Variants in MDGA2 observed in about 807,000 individuals in gnomAD.
MDGA2 encodes MAM domain-containing glycosylphosphatidylinositol anchor protein 2.
A neutral mutation model predicts 117.8 loss-of-function variants in MDGA2; 40 were observed. The observed-to-expected ratio is 0.34, with a 90% confidence interval of 0.26 to 0.44. MDGA2 has a LOEUF of 0.44. Among genes scored for constraint, MDGA2 ranks in the 20% least tolerant of loss-of-function variants. The pLI, the probability that MDGA2 is intolerant of heterozygous loss-of-function variation, is 1.00. For synonymous variants in MDGA2, 452 were observed against 439.0 expected (o/e 1.03, Z -0.37); for missense variants, 1,123 against 1,250.6 (o/e 0.90, Z 1.54).
chr14:47,318,165 A>G (rs1220546287), intron 1 of MDGA2, among the ~76,000 whole-genome samples: 1 of 110,944 alleles, frequency 9.0e-6, no homozygotes, highest in Non-Finnish European at 2.2e-5. Flanking sequence ...AACACTAGTG[A>G]TCTTTTCAAA....
chr14:47,365,830 G>C (rs1489594240), intron 1 of MDGA2, among the ~76,000 whole-genome samples: 1 of 152,122 alleles, frequency 6.6e-6, no homozygotes, highest in African/African-American at 2.4e-5. Flanking sequence ...AATATTTATA[G>C]CTATAGTATG....
intron 1 of MDGA2, among the ~76,000 whole-genome samples, chr14:47,630,117 G>A (rs1418538521): frequency 6.6e-6 from 1 of 151,278 alleles, no homozygotes; most frequent in African/African-American, 2.4e-5. Context: ...TTTTGTGAAG[G>A]AAAAAATACA....
In MDGA2 at chr14:47,492,537, G is replaced by A. The variant is rs548303204; in HGVS notation, c.280+181980C>T. ...AATTATGATTCAGGACAGAAAATGA[G>A]AAAAATGACAAAAGAAATTCAGAGA... On this transcript the variant is annotated intron_variant, in intron 1 of 16. Coordinates refer to ENST00000399232, the MANE Select transcript of MDGA2 (RefSeq NM_001113498.3). Among the ~76,000 whole-genome samples the A allele has an allele frequency of 1.9e-3, 285 of 152,044 alleles. 3 individuals carry two copies. Among genetic ancestry groups the A allele is most frequent in the Middle Eastern group, 0.01 (3 of 294 alleles).
At chr14:47,378,186 T>A (rs1052776053) in intron 1 of MDGA2, among the ~76,000 whole-genome samples, 1 of 151,800 alleles carries the variant, frequency 6.6e-6, no homozygotes, top group Admixed American at 6.6e-5. Flanking sequence ...AGAAACAACA[T>A]CCACACCAAA....
intron 1 of MDGA2, among the ~76,000 whole-genome samples, chr14:47,379,831 A>G (rs1294477049): frequency 6.6e-6 from 1 of 152,164 alleles, no homozygotes; most frequent in African/African-American, 2.4e-5. Flanking sequence ...AAACTTCACA[A>G]GGATATCCAG....
At chr14:47,144,330 G>C (rs539989242) in intron 3 of MDGA2, 56 bp from the exon 4 acceptor site, 2 of 1,393,564 alleles carry the variant, frequency 1.4e-6, no homozygotes, top group Non-Finnish European at 2.0e-6. Flanking sequence ...GACTTTTAAA[G>C]TATTGTGCTT....
intron 6 of MDGA2, among the ~76,000 whole-genome samples, chr14:47,075,589 G>A (rs903037213): frequency 6.6e-6 from 1 of 152,054 alleles, no homozygotes; most frequent in Admixed American, 6.5e-5. Flanking sequence ...ACTATACTGT[G>A]GTTATACAGG....
intron 8 of MDGA2, among the ~76,000 whole-genome samples, chr14:46,968,357 A>C (rs1365973755): frequency 6.6e-6 from 1 of 152,110 alleles, no homozygotes; most frequent in Non-Finnish European, 1.5e-5. Flanking sequence ...CAAAAATCCC[A>C]AAAAAATATA....
chr14:47,508,295 A>G (rs1434685935), intron 1 of MDGA2, among the ~76,000 whole-genome samples: 1 of 151,484 alleles, frequency 6.6e-6, no homozygotes, highest in Non-Finnish European at 1.5e-5. Context: ...CTGTAAAAAT[A>G]TCTGAGTAAT....
chr14:46,980,775 AT>A (rs917681805), intron 8 of MDGA2, among the ~76,000 whole-genome samples: 3 of 152,178 alleles, frequency 2.0e-5, no homozygotes, highest in Non-Finnish European at 4.4e-5. Context: ...GATTGCAAAC[AT>A]TTTTTAACAA....
chr14:47,495,938 T>C (rs2138663523), intron 1 of MDGA2, among the ~76,000 whole-genome samples: 1 of 152,098 alleles, frequency 6.6e-6, no homozygotes, highest in East Asian at 1.9e-4. Context: ...GTTCGAAAAA[T>C]TATTTCACCC....
At chr14:47,129,465 C>T (rs1341887181) in intron 5 of MDGA2, among the ~76,000 whole-genome samples, 1 of 151,356 alleles carries the variant, frequency 6.6e-6, no homozygotes, top group Non-Finnish European at 1.5e-5. Context: ...TGTATATGTG[C>T]CACATTTTCT....
intron 11 of MDGA2, among the ~76,000 whole-genome samples, chr14:46,880,672 C>A (rs892958997): frequency 4.0e-5 from 6 of 150,944 alleles, no homozygotes; most frequent in Non-Finnish European, 8.9e-5. Flanking sequence ...CATGGTGGCA[C>A]ATGCCTGTAA....
intron 1 of MDGA2, among the ~76,000 whole-genome samples, chr14:47,391,883 C>G (rs947520481): frequency 1.3e-4 from 20 of 151,940 alleles, no homozygotes; most frequent in Non-Finnish European, 2.2e-4. Context: ...TTTAGAAGCA[C>G]TAATTAAAAG....
chr14:47,130,900 A>C (rs1397630949), intron 5 of MDGA2, among the ~76,000 whole-genome samples: 1 of 152,110 alleles, frequency 6.6e-6, no homozygotes, highest in Non-Finnish European at 1.5e-5. Flanking sequence ...AAAAGTAAAA[A>C]CTTATATACC....
chr14:47,114,583 A>G (rs1881220207), intron 5 of MDGA2, among the ~76,000 whole-genome samples: 1 of 152,148 alleles, frequency 6.6e-6, no homozygotes, highest in South Asian at 2.1e-4. Context: ...ACATAGACCA[A>G]TGGAACAGAA....
intron 2 of MDGA2, among the ~76,000 whole-genome samples, chr14:47,253,655 G>C (rs755279479): frequency 6.6e-6 from 1 of 152,170 alleles, no homozygotes; most frequent in Non-Finnish European, 1.5e-5. Flanking sequence ...GGCTTTTCCA[G>C]AAGCACGGTG....
chr14:47,531,288 C>A, intron 1 of MDGA2, among the ~76,000 whole-genome samples: 1 of 152,062 alleles, frequency 6.6e-6, no homozygotes, highest in East Asian at 1.9e-4. Context: ...ACATTACATT[C>A]CCAGTAGAGG....
At chr14:46,909,960 T>C (rs1463443915) in intron 10 of MDGA2, among the ~76,000 whole-genome samples, 1 of 152,154 alleles carries the variant, frequency 6.6e-6, no homozygotes, top group East Asian at 1.9e-4. Context: ...CTTGAAGCTT[T>C]CCTATTTTGT....
Sources: allele counts gnomAD v4.1 joint callset (sites outside exome capture counted in the v4.1 genomes callset), GRCh38; gene constraint gnomAD v4.1.1; transcripts MANE v1.5; gene names NCBI Gene and HGNC (gene_info 2026-07-23, HGNC 2026-07-21).